The following TMTC2 variants were observed in gnomAD, a reference collection of about 807,000 sequenced individuals.
TMTC2 encodes protein O-mannosyl-transferase TMTC2.
In TMTC2, 43 loss-of-function variants were observed where a neutral mutation model predicts 82.4. That is an observed-to-expected ratio of 0.52 (90% CI 0.41 to 0.67). TMTC2 has a LOEUF of 0.67. TMTC2 is among the 30% of genes least tolerant of loss of function. The pLI is 0.00. For missense variants in TMTC2, 919 were observed against 1,012.4 expected (o/e 0.91, Z 1.25); for synonymous variants, 408 against 381.9 (o/e 1.07, Z -0.80).
chr12:83,000,429 T>C (rs2086909), intron 8 of TMTC2, among the ~76,000 whole-genome samples: 133,882 of 152,202 alleles, frequency 0.88, 58,995 homozygotes, highest in South Asian at 0.96. Context: ...CCACCGCACC[T>C]TGCCAGGGCA....
At chr12:82,798,579 T>C (rs1878841303) in intron 1 of TMTC2, among the ~76,000 whole-genome samples, 1 of 149,424 alleles carries the variant, frequency 6.7e-6, no homozygotes, top group South Asian at 2.1e-4. Flanking sequence ...GCCGAGGTGG[T>C]TGGATCACTT....
chr12:82,946,257 A>G (rs1377052894), intron 4 of TMTC2, among the ~76,000 whole-genome samples: 1 of 152,188 alleles, frequency 6.6e-6, no homozygotes, highest in Non-Finnish European at 1.5e-5. Flanking sequence ...GCTTCACCAA[A>G]GCATTGTTTT....
Position 83,070,144 on chromosome 12 carries a change from C to A in TMTC2, c.2331+8313C>A, listed in dbSNP as rs145924725. Reference sequence around the variant, plus strand: ...AATGCCTCTAGGTTTGTTCTTTTTACTTAGTCTTGCTTTGGCTGTGCAGGC... The same window carrying A: ...AATGCCTCTAGGTTTGTTCTTTTTAATTAGTCTTGCTTTGGCTGTGCAGGC... On this transcript the variant is annotated intron_variant, in intron 11 of 11. Coordinates refer to ENST00000321196, the MANE Select transcript of TMTC2 (RefSeq NM_152588.3). 3.0e-3 allele frequency among the ~76,000 whole-genome samples: 459 copies of A among 152,162 alleles called. 6 individuals are homozygous for A. In the East Asian group the frequency reaches 0.045, roughly 15 times the overall value.
intron 1 of TMTC2, among the ~76,000 whole-genome samples, chr12:82,783,022 C>G (rs1322233386): frequency 6.6e-6 from 1 of 151,984 alleles, no homozygotes; most frequent in Non-Finnish European, 1.5e-5. Context: ...TATATAGTTT[C>G]TTTCACAATG....
intron 7 of TMTC2, among the ~76,000 whole-genome samples, chr12:82,979,305 T>G (rs112020307): frequency 6.7e-4 from 102 of 151,854 alleles, no homozygotes; most frequent in African/African-American, 2.3e-3. Flanking sequence ...GTTGTATGTT[T>G]TAATTTCTTG....
chr12:82,815,601 G>A (rs971775568), intron 1 of TMTC2, among the ~76,000 whole-genome samples: 1 of 151,784 alleles, frequency 6.6e-6, no homozygotes, highest in East Asian at 1.9e-4. Context: ...CGTCCTTCAA[G>A]GTTTATTGAT....
intron 4 of TMTC2, among the ~76,000 whole-genome samples, chr12:82,936,181 G>T (rs1408938326): frequency 1.3e-5 from 2 of 151,974 alleles, no homozygotes; most frequent in Non-Finnish European, 2.9e-5. Flanking sequence ...GAAAAGATGG[G>T]CAATCTCAAT....
intron 1 of TMTC2, among the ~76,000 whole-genome samples, chr12:82,771,422 C>G (rs1421553288): frequency 6.6e-6 from 1 of 152,076 alleles, no homozygotes; most frequent in African/African-American, 2.4e-5. Context: ...CCCTTGAAAA[C>G]TTAAGGCCTT....
rs984285549 is a variant in TMTC2 at position 82,707,247 on chromosome 12, G to A, written c.83+19578G>A. Among the ~76,000 whole-genome samples the A allele has an allele frequency of 5.3e-5, 8 of 152,106 alleles. No homozygotes were observed. The South Asian group carries it at 6.2e-4, about 12-fold the overall frequency. On this transcript the variant is annotated intron_variant, in intron 1 of 11. Transcript: ENST00000321196. Reference sequence around the variant, plus strand: ...TTTGCTGTGTCCTTACATGGAGGTCGGGGGCAAGGGAATTCTCTGGGGCCT... The same window carrying A: ...TTTGCTGTGTCCTTACATGGAGGTCAGGGGCAAGGGAATTCTCTGGGGCCT...
chr12:82,722,992 T>C (rs1375791849), intron 1 of TMTC2, among the ~76,000 whole-genome samples: 4 of 152,164 alleles, frequency 2.6e-5, no homozygotes, highest in Non-Finnish European at 5.9e-5. Context: ...CATTCAACTT[T>C]TCTGTAAAAC....
At chr12:83,087,190 T>C (rs893834194) in intron 11 of TMTC2, among the ~76,000 whole-genome samples, 11 of 152,240 alleles carry the variant, frequency 7.2e-5, no homozygotes, top group Non-Finnish European at 1.5e-4. Context: ...CTTTATTTGC[T>C]CATCCATCAG....
chr12:82,880,503 A>C (rs1395828998), intron 2 of TMTC2, among the ~76,000 whole-genome samples: 1 of 152,188 alleles, frequency 6.6e-6, no homozygotes, highest in African/African-American at 2.4e-5. Context: ...CATTTGAACG[A>C]GGGCATGTTT....
chr12:83,031,858 CTA>C (rs1432114269), intron 9 of TMTC2, among the ~76,000 whole-genome samples: 2 of 152,130 alleles, frequency 1.3e-5, no homozygotes, highest in Non-Finnish European at 2.9e-5. Flanking sequence ...TATTGTGTGT[CTA>C]TGTTTACAAA....
intron 11 of TMTC2, 108 bp from the exon 12 acceptor site, chr12:83,132,102 C>T: frequency 7.6e-7 from 1 of 1,323,074 alleles, no homozygotes; most frequent in Admixed American, 3.0e-5. Flanking sequence ...CACAAAATGC[C>T]TCTAGACATA....
rs145177219 is a variant in TMTC2, at chr12:82,733,395, G to C, written c.83+45726G>C. Among the ~76,000 whole-genome samples the C allele has an allele frequency of 3.3e-3, 505 of 152,314 alleles. 1 individual carries two copies. Among genetic ancestry groups the C allele is most frequent in the Non-Finnish European group, 5.7e-3 (391 of 68,024 alleles). On this transcript the variant is annotated intron_variant, in intron 1 of 11. Coordinates refer to ENST00000321196, the MANE Select transcript of TMTC2 (RefSeq NM_152588.3). Reference sequence around the variant, plus strand: ...AAATAAATACATAACATGCACACTAGCTCCTTTTTCTTGCAGTATTTAGGG... The same window carrying C: ...AAATAAATACATAACATGCACACTACCTCCTTTTTCTTGCAGTATTTAGGG...
intron 7 of TMTC2, among the ~76,000 whole-genome samples, chr12:82,981,403 G>A (rs1878912322): frequency 6.6e-6 from 1 of 151,828 alleles, no homozygotes; most frequent in Middle Eastern, 3.2e-3. Context: ...GCTTTTTAGG[G>A]AGAGAGAGTG....
At position 82,719,085 on chromosome 12, in the gene TMTC2, A is replaced by ATATATAT. The variant is rs1282211374; in HGVS notation, c.83+31417_83+31418insATATATT. ...TATATATATATATATATATATATAT[A>ATATATAT]TTTTTTTTTTTTTTTTTTTTTTTTT... On this transcript the variant is annotated intron_variant, in intron 1 of 11. Transcript: ENST00000321196. 4.0e-3 allele frequency among the ~76,000 whole-genome samples: 167 copies of ATATATAT among 41,442 alleles called. 2 individuals carry two copies. The highest frequency in any genetic ancestry group is 0.015 in the African/African-American group (130 of 8,626). 27.2% of individuals were successfully genotyped at this position (41,442 alleles called of 152,430 possible).
At chr12:82,816,368 C>T (rs779569187) in intron 1 of TMTC2, among the ~76,000 whole-genome samples, 22 of 152,138 alleles carry the variant, frequency 1.4e-4, no homozygotes, top group Non-Finnish European at 2.4e-4. Context: ...TTGATACATA[C>T]GTACAATACC....
chr12:82,857,498 C>T lies in TMTC2; in HGVS notation c.572C>T (p.Thr191Ile), dbSNP rs568437395. The T allele has an allele frequency of 4.4e-5, 71 of 1,614,204 alleles. No homozygotes were observed. In the South Asian group the frequency reaches 7.2e-4, roughly 16 times the overall value. The change falls in exon 2 of 12, where the codon ACT becomes ATT. Residue 191 changes from threonine (T) to isoleucine (I), a missense_variant. Coordinates refer to ENST00000321196, the MANE Select transcript of TMTC2 (RefSeq NM_152588.3). ...CSMLWKEQGVTVLAVSAVYDV... is the reference protein window; with the variant it reads ...CSMLWKEQGVIVLAVSAVYDV... ...ATGTTGTGGAAGGAACAAGGAGTGACTGTTCTCGCAGTTTCAGCAGTTTAT... is the reference window on the plus strand; with the variant it reads ...ATGTTGTGGAAGGAACAAGGAGTGATTGTTCTCGCAGTTTCAGCAGTTTAT...
Sources: allele counts gnomAD v4.1 joint callset (sites outside exome capture counted in the v4.1 genomes callset), GRCh38; gene constraint gnomAD v4.1.1; transcripts MANE v1.5; gene names NCBI Gene and HGNC (gene_info 2026-07-23, HGNC 2026-07-21).